The following NCBP3 variants were observed in gnomAD, a reference collection of about 807,000 sequenced individuals.
NCBP3 encodes the protein nuclear cap binding subunit 3.
NCBP3 carries 20 observed loss-of-function variants against 75.7 expected under a neutral mutation model. The ratio of observed to expected loss-of-function variants is 0.26; its 90% CI spans 0.19 to 0.38. The LOEUF is 0.38. Among genes scored for constraint, NCBP3 ranks in the 10% least tolerant of loss-of-function variants. The probability of loss-of-function intolerance (pLI) is 1.00; values close to 1 mark genes in which losing one functional copy is unlikely to be tolerated. For missense variants in NCBP3, 678 were observed against 796.9 expected, an observed-to-expected ratio of 0.85 and a Z score of 1.80; for synonymous variants, 293 against 290.5, an observed-to-expected ratio of 1.01 and a Z score of -0.09.
In NCBP3 at chr17:3,812,701, G is replaced by T; in HGVS notation, c.*343C>A. 1 of 1,098,580 alleles carries T rather than the reference G, an allele frequency of 9.1e-7. No homozygotes were observed. Among genetic ancestry groups the T allele is most frequent in the Non-Finnish European group, 1.1e-6 (1 of 897,616 alleles). 68.1% of individuals were successfully genotyped at this position (1,098,580 alleles called of 1,614,324 possible). A position where few individuals can be genotyped will look rare whatever the true frequency, so the allele number is the denominator to read the frequency against. ...TGAGAAGTTCAGTTCTCTGCTCTTT[G>T]GATGAACTGTGTAAAACATTTCTTT... is the stretch of plus-strand genomic sequence containing the variant. On this transcript the variant is annotated 3_prime_UTR_variant, in exon 13 of 13. Transcript: ENST00000389005.
chr17:3,816,869 T>TA (rs1330166720), intron 10 of NCBP3, among the ~76,000 whole-genome samples: 4 of 151,924 alleles, frequency 2.6e-5, no homozygotes, highest in Non-Finnish European at 4.4e-5. Context: ...CAGTCTCTAC[T>TA]AAAAATACAA....
At position 3,846,228 on chromosome 17, in the gene NCBP3, G is replaced by A; in HGVS notation, c.-5C>T. The A allele has an allele frequency of 7.0e-7, 1 of 1,422,244 alleles. No individual in the cohort carries two copies. Among genetic ancestry groups the A allele is most frequent in the African/African-American group, 1.5e-5 (1 of 65,960 alleles). 88.1% of individuals were successfully genotyped at this position (1,422,244 alleles called of 1,614,324 possible). On this transcript the variant is annotated 5_prime_UTR_variant, in exon 1 of 13. Transcript: ENST00000389005. This position sits in a 1 kb window ranked among gnomAD's most constrained non-coding sequence, Gnocchi z 4.6. The stretch of plus-strand genomic sequence containing the variant: ...CAGGCCCCGTACGGCCGCCATCGCT[G>A]CCTGCCGGCCGCACCACTGAGAGCC...
intron 3 of NCBP3, among the ~76,000 whole-genome samples, chr17:3,839,785 C>A (rs141862744): frequency 2.6e-5 from 4 of 152,294 alleles, no homozygotes; most frequent in African/African-American, 7.2e-5. Flanking sequence ...AACACCTCTA[C>A]GATAAAAGGA....
At chr17:3,843,216 G>A (rs1031755372) in intron 1 of NCBP3, 65 bp from the exon 2 acceptor site, 136 of 1,348,862 alleles carry the variant, frequency 1.0e-4, no homozygotes, top group Non-Finnish European at 1.3e-4. Flanking sequence ...AATAAAAGTC[G>A]GCCTGACATC....
chr17:3,816,201 A>T lies in NCBP3; in HGVS notation c.1380T>A (p.Pro460=). The change falls in exon 11 of 13, where the codon CCT becomes CCA. Residue 460 remains proline, a synonymous_variant. Transcript: ENST00000389005. ...GATGTCGGACATCTGCAAATTTCTCAGGTGGTAATTTGTTACCAATTCGGT... is the reference window on the plus strand; with the variant it reads ...GATGTCGGACATCTGCAAATTTCTCTGGTGGTAATTTGTTACCAATTCGGT... The part of the protein sequence containing the change: ...IKNRIGNKLP[P]EKFADVRHLL... 6.2e-7 allele frequency: 1 copy of T among 1,614,088 alleles called. No individual in the cohort carries two copies. The highest frequency in any genetic ancestry group is 8.5e-7 in the Non-Finnish European group (1 of 1,179,944).
At position 3,811,064 on chromosome 17, in the gene NCBP3, C is replaced by G. The variant is rs926103340; in HGVS notation, c.*1980G>C. ...ACCTCATGCGCGCCCTCAGTTGTCT[C>G]CCTGGCGCCTCCTCCACCTGCAGTA... On this transcript the variant is annotated 3_prime_UTR_variant, in exon 13 of 13. Transcript: ENST00000389005. 7 of 152,390 alleles carry G rather than the reference C, an allele frequency of 4.6e-5. No homozygotes were observed. Among genetic ancestry groups the G allele is most frequent in the African/African-American group, 1.7e-4 (7 of 41,460 alleles). 9.4% of individuals were successfully genotyped at this position (152,390 alleles called of 1,614,324 possible).
Position 3,810,014 on chromosome 17 carries a change from A to G in NCBP3, c.*3030T>C, listed in dbSNP as rs1321568110. The stretch of plus-strand genomic sequence containing the variant: ...GCCAGAGGCTAAGAGGGAAGAGGGA[A>G]TAGGGAGAATTGCTAATGGACTCAG... On this transcript the variant is annotated 3_prime_UTR_variant, in exon 13 of 13. Coordinates refer to ENST00000389005, the MANE Select transcript of NCBP3 (RefSeq NM_001114118.3). 1 of 152,178 alleles carries G rather than the reference A, an allele frequency of 6.6e-6. No individual in the cohort carries two copies. Among genetic ancestry groups the G allele is most frequent in the Non-Finnish European group, 1.5e-5 (1 of 68,052 alleles). The allele number at this position is 152,178 out of a possible 1,614,324, so 9.4% of individuals were successfully genotyped here.
chr17:3,844,531 G>A (rs866098389), intron 1 of NCBP3, among the ~76,000 whole-genome samples: 2 of 152,180 alleles, frequency 1.3e-5, no homozygotes, highest in Middle Eastern at 3.2e-3. Context: ...CTAGGGCTGT[G>A]CCTTGGTACA....
Position 3,818,571 on chromosome 17 carries a change from C to A in NCBP3, c.1002G>T (p.Gly334=), listed in dbSNP as rs748694681. 4.4e-6 allele frequency: 7 copies of A among 1,593,640 alleles called. No homozygotes were observed. The highest frequency in any genetic ancestry group is 6.0e-6 in the Non-Finnish European group (7 of 1,173,796). Reference sequence around the variant, plus strand: ...TGGGTTCCTCGGGAACATTCACTAGCCCTGAAGAAATTTAACCAGAAAACA... The same window carrying A: ...TGGGTTCCTCGGGAACATTCACTAGACCTGAAGAAATTTAACCAGAAAACA... ...GLTSYKHRHS[G]LVNVPEEPIE... The change falls in exon 10 of 13, where the codon GGG becomes GGT. Residue 334 remains glycine (G), a splice_region_variant and synonymous_variant. Transcript: ENST00000389005. The surrounding 1 kb of genome is among the most constrained non-coding windows in gnomAD (Gnocchi z 4.7).
chr17:3,830,102 G>A (rs764619019), intron 3 of NCBP3, among the ~76,000 whole-genome samples: 3 of 152,074 alleles, frequency 2.0e-5, no homozygotes, highest in East Asian at 1.9e-4. Context: ...TTACTTCCCC[G>A]GCTGGTGGGC....
chr17:3,843,035 T>C, intron 2 of NCBP3, 51 bp downstream of exon 2: 2 of 1,344,610 alleles, frequency 1.5e-6, no homozygotes, highest in Admixed American at 2.0e-5. Flanking sequence ...ATCAAATTCA[T>C]TAAGTTCACT....
chr17:3,811,862 T>C lies in NCBP3; in HGVS notation c.*1182A>G, dbSNP rs2053421673. ...GACGAAACAATCTACCTCCTCCTAA[T>C]GGTAAAATAATCTGAAAGGAGTTTA... On this transcript the variant is annotated 3_prime_UTR_variant, in exon 13 of 13. Coordinates refer to ENST00000389005, the MANE Select transcript of NCBP3 (RefSeq NM_001114118.3). The C allele has an allele frequency of 1.3e-5, 2 of 152,248 alleles. No homozygotes were observed. Among genetic ancestry groups the C allele is most frequent in the South Asian group, 4.1e-4 (2 of 4,836 alleles). The allele number at this position is 152,248 out of a possible 1,614,324, so 9.4% of individuals were successfully genotyped here. A position where few individuals can be genotyped will look rare whatever the true frequency, so the allele number is the denominator to read the frequency against.
At chr17:3,839,148 TGCG>T (rs1428510415) in intron 3 of NCBP3, among the ~76,000 whole-genome samples, 6 of 152,234 alleles carry the variant, frequency 3.9e-5, no homozygotes, top group Non-Finnish European at 5.9e-5. Flanking sequence ...TTTAGAAAAC[TGCG>T]GCAGATTACT....
chr17:3,821,574 C>G (rs1449229265), intron 8 of NCBP3, among the ~76,000 whole-genome samples: 1 of 152,164 alleles, frequency 6.6e-6, no homozygotes, highest in Non-Finnish European at 1.5e-5. Context: ...AGGCGCCCAC[C>G]ACCATGCATG....
chr17:3,808,624 A>G lies in NCBP3; in HGVS notation c.*4420T>C, dbSNP rs1443160699. ...TAGTGAGATCAAGATACATTTAGGG[A>G]ACTGGTGAGCAGAGGGCAGGGGAGA... On this transcript the variant is annotated 3_prime_UTR_variant, in exon 13 of 13. Coordinates refer to ENST00000389005, the MANE Select transcript of NCBP3 (RefSeq NM_001114118.3). The G allele has an allele frequency of 6.6e-6, 1 of 152,304 alleles. No individual in the cohort carries two copies. Among genetic ancestry groups the G allele is most frequent in the African/African-American group, 2.4e-5 (1 of 41,428 alleles). 9.4% of individuals were successfully genotyped at this position (152,304 alleles called of 1,614,324 possible). A position where few individuals can be genotyped will look rare whatever the true frequency, so the allele number is the denominator to read the frequency against.
intron 7 of NCBP3, chr17:3,824,277 ACT>A (rs1457074694): frequency 3.3e-5 from 5 of 152,004 alleles, no homozygotes; most frequent in African/African-American, 1.2e-4. Context: ...TCTTCAACTA[ACT>A]CTCAAATGAT....
chr17:3,827,590 G>A (rs985436122), intron 4 of NCBP3, among the ~76,000 whole-genome samples: 2 of 152,182 alleles, frequency 1.3e-5, no homozygotes, highest in African/African-American at 2.4e-5. Context: ...AAAACTATGC[G>A]TCCCCTATAT....
intron 3 of NCBP3, among the ~76,000 whole-genome samples, chr17:3,831,577 A>G (rs2053880290): frequency 8.3e-6 from 1 of 120,764 alleles, no homozygotes; most frequent in Non-Finnish European, 2.0e-5. Flanking sequence ...GTCTCAAAAA[A>G]AAAGGGAAAG....
chr17:3,828,249 T>C (rs1221786910), intron 4 of NCBP3, among the ~76,000 whole-genome samples: 1 of 152,226 alleles, frequency 6.6e-6, no homozygotes, highest in African/African-American at 2.4e-5. Context: ...AAAGTTCTAC[T>C]GGAAAACAGC....
Sources: allele counts gnomAD v4.1 joint callset (sites outside exome capture counted in the v4.1 genomes callset), GRCh38; gene constraint gnomAD v4.1.1; non-coding constraint Gnocchi (gnomAD v3.1); transcripts MANE v1.5; gene names NCBI Gene and HGNC (gene_info 2026-07-23, HGNC 2026-07-21).